DDX46: variants seen among roughly 807,000 people sequenced by gnomAD.
DDX46 encodes probable ATP-dependent RNA helicase DDX46.
In DDX46, 30 loss-of-function variants were observed where a neutral mutation model predicts 134.9. The ratio of observed to expected loss-of-function variants is 0.22; its 90% CI spans 0.17 to 0.30. The LOEUF (loss-of-function observed/expected upper bound fraction) is 0.30, where lower values mean the gene tolerates loss of function less well. DDX46 is among the 10% of genes least tolerant of loss of function. The pLI is 1.00. For synonymous variants in DDX46, 415 were observed against 404.1 expected (o/e 1.03, Z -0.32); for missense variants, 622 against 1,248.7 (o/e 0.50, Z 7.56).
intron 18 of DDX46, among the ~76,000 whole-genome samples, chr5:134,814,495 T>G (rs138887521): frequency 6.6e-6 from 1 of 152,390 alleles, no homozygotes; most frequent in Non-Finnish European, 1.5e-5. Flanking sequence ...CCTGATTTTA[T>G]GAATTTGTTC....
intron 22 of DDX46, among the ~76,000 whole-genome samples, chr5:134,827,712 A>G (rs1308631618): frequency 2.0e-5 from 3 of 150,640 alleles, no homozygotes; most frequent in Admixed American, 1.3e-4. Context: ...TATTGCATGT[A>G]GCAATAATTC....
At chr5:134,792,756 CAT>C (rs1754540655) in intron 13 of DDX46, among the ~76,000 whole-genome samples, 2 of 152,176 alleles carry the variant, frequency 1.3e-5, no homozygotes. Context: ...AGCATTATCT[CAT>C]GTATTTATGT....
In DDX46 at chr5:134,784,480, G is replaced by T. The variant is rs1580790843; in HGVS notation, c.1281G>T (p.Leu427=). The T allele has an allele frequency of 6.2e-7, 1 of 1,614,096 alleles. No homozygotes were observed. Among genetic ancestry groups the T allele is most frequent in the South Asian group, 1.1e-5 (1 of 91,082 alleles). Residue 427 remains leucine (L), a synonymous_variant, in exon 10 of 23, where the codon CTG becomes CTT. Transcript: ENST00000452510. ...KTGSGKTIAF[L]LPMFRHIMDQ... ...GAAGTGGAAAGACCATTGCTTTTCT[G>T]TTGCCCATGTTTAGACACATCATGG...
chr5:134,780,134 GTGTGTA>G (rs1290553106), intron 6 of DDX46, among the ~76,000 whole-genome samples: 4 of 146,580 alleles, frequency 2.7e-5, no homozygotes, highest in African/African-American at 5.0e-5. Flanking sequence ...GTGTGTGTGT[GTGTGTA>G]TATGTATATA....
chr5:134,797,127 A>G (rs375415667), intron 15 of DDX46: 36 of 211,458 alleles, frequency 1.7e-4, no homozygotes, highest in African/African-American at 3.8e-4. Context: ...AGATTGCACC[A>G]TTGCACTCCA....
chr5:134,804,910 T>G (rs576071817), intron 15 of DDX46: 1 of 350,292 alleles, frequency 2.9e-6, no homozygotes, highest in Non-Finnish European at 5.7e-6. Flanking sequence ...TCTGCTGACA[T>G]GTTTTTTTTT....
At chr5:134,789,670 C>T (rs1308963279) in intron 12 of DDX46, among the ~76,000 whole-genome samples, 1 of 151,376 alleles carries the variant, frequency 6.6e-6, no homozygotes, top group East Asian at 1.9e-4. Flanking sequence ...TCTTATCTGT[C>T]ATTGTGGTCT....
At chr5:134,826,706 G>C (rs1755601492) in intron 21 of DDX46, 1 of 378,208 alleles carries the variant, frequency 2.6e-6, no homozygotes, top group East Asian at 4.3e-5. Context: ...CACCATACTA[G>C]GAACTCTTAA....
At chr5:134,789,916 G>A (rs1754455296) in intron 12 of DDX46, among the ~76,000 whole-genome samples, 1 of 152,154 alleles carries the variant, frequency 6.6e-6, no homozygotes, top group Non-Finnish European at 1.5e-5. Flanking sequence ...GTTTTTGTGT[G>A]ATACTTTAAT....
chr5:134,816,278 T>C, intron 18 of DDX46, 152 bp from the exon 19 acceptor site: 1 of 641,902 alleles, frequency 1.6e-6, no homozygotes, highest in Non-Finnish European at 2.4e-6. Flanking sequence ...GTGGTATATT[T>C]TCCCATGGAT....
chr5:134,776,392 A>G (rs74390283), intron 5 of DDX46, among the ~76,000 whole-genome samples: 5 of 145,428 alleles, frequency 3.4e-5, no homozygotes, highest in African/African-American at 1.2e-4. Context: ...GACTGTCTAG[A>G]AAAAAAAAAA....
chr5:134,799,362 G>T (rs1580804076), intron 15 of DDX46, among the ~76,000 whole-genome samples: 1 of 147,516 alleles, frequency 6.8e-6, no homozygotes, highest in African/African-American at 2.5e-5. Flanking sequence ...TGCCCAGCTT[G>T]TCTTGAACTT....
chr5:134,782,482 A>AC (rs1173645083), intron 8 of DDX46, among the ~76,000 whole-genome samples: 13 of 152,218 alleles, frequency 8.5e-5, no homozygotes, highest in African/African-American at 2.9e-4. Context: ...TCTACTAAAA[A>AC]AATACAAAAA....
At position 134,770,912 on chromosome 5, in the gene DDX46, C is replaced by T; in HGVS notation, c.360C>T (p.Ser120=). Residue 120 remains serine (S), a synonymous_variant, in exon 4 of 23, where the codon TCC becomes TCT. Coordinates refer to ENST00000452510, the MANE Select transcript of DDX46 (RefSeq NM_001300860.2). ...KSKKTENRSR[S]KEKTDGGESS... ...TTTATTTTTTTGGTAGATCTAGGTC[C>T]AAAGAGAAAACTGATGGTGGGGAAA... The T allele has an allele frequency of 6.3e-7, 1 of 1,581,012 alleles. No individual in the cohort carries two copies. The highest frequency in any genetic ancestry group is 8.6e-7 in the Non-Finnish European group (1 of 1,169,182).
intron 18 of DDX46, among the ~76,000 whole-genome samples, chr5:134,812,998 G>A (rs966654350): frequency 1.3e-4 from 20 of 151,728 alleles, no homozygotes; most frequent in African/African-American, 4.4e-4. Flanking sequence ...CTGGAGTGCA[G>A]TGGCTTGATC....
chr5:134,797,085 GGTTGCCGGGAGGCAGAA>G (rs1216781371), intron 15 of DDX46: 1 of 221,072 alleles, frequency 4.5e-6, no homozygotes, highest in Non-Finnish European at 8.9e-6. Flanking sequence ...AGGAGGCGGA[GGTTGCCGGGAGGCAGAA>G]GTTGCGGTGA....
At chr5:134,781,078 C>A (rs975693059) in intron 6 of DDX46, 55 bp from the exon 7 acceptor site, 2 of 1,261,138 alleles carry the variant, frequency 1.6e-6, no homozygotes, top group Non-Finnish European at 2.2e-6. Flanking sequence ...CTTCAGCAGT[C>A]ATATAACTTG....
At chr5:134,794,159 AT>A (rs749138611) in intron 13 of DDX46, among the ~76,000 whole-genome samples, 27 of 152,096 alleles carry the variant, frequency 1.8e-4, no homozygotes, top group Non-Finnish European at 4.0e-4. Flanking sequence ...GATCCTCCGT[AT>A]TTGGAGGACA....
chr5:134,772,574 T>C (rs1318991909), intron 4 of DDX46, among the ~76,000 whole-genome samples: 1 of 152,132 alleles, frequency 6.6e-6, no homozygotes, highest in Non-Finnish European at 1.5e-5. Flanking sequence ...CTGTGGCTCA[T>C]GCCTGTAATC....
Sources: allele counts gnomAD v4.1 joint callset (sites outside exome capture counted in the v4.1 genomes callset), GRCh38; gene constraint gnomAD v4.1.1; transcripts MANE v1.5; gene names NCBI Gene and HGNC (gene_info 2026-07-23, HGNC 2026-07-21).